Variants in CTNNA3 observed in about 807,000 individuals in gnomAD.
CTNNA3 encodes the protein catenin alpha-3.
A neutral mutation model predicts 95.7 loss-of-function variants in CTNNA3; 76 were observed. The ratio of observed to expected loss-of-function variants is 0.79; its 90% CI spans 0.66 to 0.96. CTNNA3 has a LOEUF of 0.96. Ranked by LOEUF, CTNNA3 falls within the 40% of genes least tolerant of loss-of-function variation. CTNNA3 has a pLI of 0.00. For synonymous variants in CTNNA3, 431 were observed against 374.4 expected (o/e 1.15, Z -1.74); for missense variants, 1,191 against 1,089.8 (o/e 1.09, Z -1.31).
In CTNNA3 at chr10:66,794,882, A is replaced by C. The variant is rs530895141; in HGVS notation, c.1048-19358T>G. 6.0e-3 allele frequency among the ~76,000 whole-genome samples: 246 copies of C among 40,946 alleles called. 1 individual carries two copies. The highest frequency in any genetic ancestry group is 0.054 in the African/African-American group (232 of 4,334). The allele number at this position is 40,946 out of a possible 152,430, so 26.9% of individuals were successfully genotyped here. A position where few individuals can be genotyped will look rare whatever the true frequency, so the allele number is the denominator to read the frequency against. Reference sequence around the variant, plus strand: ...CCACCAGGACTCGATTGCATCTCACAAAACAATTCCTTTGTTCATTCATGA... The same window carrying C: ...CCACCAGGACTCGATTGCATCTCACCAAACAATTCCTTTGTTCATTCATGA... On this transcript the variant is annotated intron_variant, in intron 7 of 17. Transcript: ENST00000433211.
At chr10:67,134,706 T>G (rs529224706) in intron 7 of CTNNA3, among the ~76,000 whole-genome samples, 3 of 152,304 alleles carry the variant, frequency 2.0e-5, no homozygotes, top group African/African-American at 7.2e-5. Context: ...ACTCTTTGTT[T>G]GCTAGTTTAG....
intron 5 of CTNNA3, among the ~76,000 whole-genome samples, chr10:67,335,926 C>G (rs981647667): frequency 6.6e-6 from 1 of 151,182 alleles, no homozygotes; most frequent in Non-Finnish European, 1.5e-5. Flanking sequence ...TGTGGCAAAT[C>G]GGTGTCAACT....
At chr10:66,880,973 A>G (rs1844828444) in intron 7 of CTNNA3, among the ~76,000 whole-genome samples, 1 of 152,100 alleles carries the variant, frequency 6.6e-6, no homozygotes, top group African/African-American at 2.4e-5. Flanking sequence ...ATGTGTCAGC[A>G]CAGGGCTAGC....
chr10:66,342,057 G>A (rs1478855726), intron 12 of CTNNA3, among the ~76,000 whole-genome samples: 1 of 151,774 alleles, frequency 6.6e-6, no homozygotes, highest in Non-Finnish European at 1.5e-5. Flanking sequence ...ACTTACACAA[G>A]ATCACACAGA....
At chr10:66,916,670 C>G (rs1270646172) in intron 7 of CTNNA3, among the ~76,000 whole-genome samples, 1 of 152,026 alleles carries the variant, frequency 6.6e-6, no homozygotes, top group Non-Finnish European at 1.5e-5. Context: ...CCAAAAAGAA[C>G]TGGGTCACCA....
At chr10:67,314,589 G>A (rs1044689725) in intron 5 of CTNNA3, among the ~76,000 whole-genome samples, 28 of 152,072 alleles carry the variant, frequency 1.8e-4, no homozygotes, top group African/African-American at 4.6e-4. Context: ...CTTATTCCCC[G>A]AAGGCAACAA....
At chr10:66,965,084 C>T (rs923000692) in intron 7 of CTNNA3, among the ~76,000 whole-genome samples, 2 of 152,098 alleles carry the variant, frequency 1.3e-5, no homozygotes, top group Non-Finnish European at 2.9e-5. Flanking sequence ...TGCTGGCTTC[C>T]ACTCTGTGAG....
chr10:66,818,917 C>T (rs745335488), intron 7 of CTNNA3, among the ~76,000 whole-genome samples: 1 of 151,840 alleles, frequency 6.6e-6, no homozygotes, highest in African/African-American at 2.4e-5. Flanking sequence ...TGGCGAAACC[C>T]CATCTCTACT....
intron 9 of CTNNA3, among the ~76,000 whole-genome samples, chr10:66,664,295 A>T (rs968125168): frequency 1.3e-5 from 2 of 152,108 alleles, no homozygotes; most frequent in South Asian, 2.1e-4. Context: ...TAGTTTTTTT[A>T]AAAAGTGTCA....
chr10:67,566,338 A>C (rs1016826227), intron 3 of CTNNA3, among the ~76,000 whole-genome samples: 2 of 150,488 alleles, frequency 1.3e-5, no homozygotes, highest in African/African-American at 4.9e-5. Flanking sequence ...AAAAACAAAC[A>C]ACCCCATCAA....
chr10:67,046,308 C>T (rs1854740309), intron 7 of CTNNA3, among the ~76,000 whole-genome samples: 1 of 152,138 alleles, frequency 6.6e-6, no homozygotes, highest in African/African-American at 2.4e-5. Flanking sequence ...ACGTTGCTAC[C>T]ATAAATCAAA....
chr10:66,111,017 T>C (rs1249554065), intron 13 of CTNNA3, among the ~76,000 whole-genome samples: 2 of 152,176 alleles, frequency 1.3e-5, no homozygotes, highest in African/African-American at 4.8e-5. Context: ...AGGTGTTGTG[T>C]CACGATGTTA....
chr10:66,627,548 T>C (rs1237381428), intron 9 of CTNNA3, among the ~76,000 whole-genome samples: 1 of 152,182 alleles, frequency 6.6e-6, no homozygotes, highest in Non-Finnish European at 1.5e-5. Flanking sequence ...TAGTAAGTAC[T>C]GAGCCAGAAA....
chr10:66,092,771 G>A (rs12415543), intron 14 of CTNNA3, among the ~76,000 whole-genome samples: 1,818 of 151,974 alleles, frequency 0.012, 126 homozygotes, highest in Admixed American at 0.1. Flanking sequence ...AATGGAAGAG[G>A]AGAGAGATTT....
chr10:67,182,519 C>T (rs976315073), intron 6 of CTNNA3, among the ~76,000 whole-genome samples: 9 of 151,940 alleles, frequency 5.9e-5, no homozygotes, highest in African/African-American at 2.2e-4. Context: ...CTTCCTTACA[C>T]CTTATACAAA....
intron 5 of CTNNA3, among the ~76,000 whole-genome samples, chr10:67,234,884 G>T (rs992376386): frequency 6.8e-6 from 1 of 147,132 alleles, no homozygotes; most frequent in Non-Finnish European, 1.5e-5. Flanking sequence ...CAAACAGAGA[G>T]CCAAATCATG....
intron 5 of CTNNA3, among the ~76,000 whole-genome samples, chr10:67,432,374 T>C (rs1207666816): frequency 6.6e-6 from 1 of 152,054 alleles, no homozygotes; most frequent in Non-Finnish European, 1.5e-5. Flanking sequence ...GCTACAACCT[T>C]TGTAGCTTAA....
chr10:67,575,831 G>A (rs888519238), intron 3 of CTNNA3, among the ~76,000 whole-genome samples: 4 of 152,094 alleles, frequency 2.6e-5, no homozygotes, highest in Admixed American at 1.3e-4. Flanking sequence ...TCTTGTTATG[G>A]TTGTATTCCT....
chr10:67,140,968 G>A (rs1268828333), intron 7 of CTNNA3, among the ~76,000 whole-genome samples: 1 of 152,144 alleles, frequency 6.6e-6, no homozygotes, highest in Non-Finnish European at 1.5e-5. Flanking sequence ...AATGAGGAAT[G>A]TACATAGAAA....
Sources: allele counts gnomAD v4.1 joint callset (sites outside exome capture counted in the v4.1 genomes callset), GRCh38; gene constraint gnomAD v4.1.1; transcripts MANE v1.5; gene names NCBI Gene and HGNC (gene_info 2026-07-23, HGNC 2026-07-21).